CSMD1: variants seen among roughly 807,000 people sequenced by gnomAD.
CSMD1 encodes the protein CUB and Sushi multiple domains 1.
CSMD1 carries 213 observed loss-of-function variants against 417.5 expected under a neutral mutation model. That is an observed-to-expected ratio of 0.51 (90% CI 0.46 to 0.57). CSMD1 has a LOEUF of 0.57. Ranked by LOEUF, CSMD1 falls within the 20% of genes least tolerant of loss-of-function variation. The pLI, the probability that CSMD1 is intolerant of heterozygous loss-of-function variation, is 0.00. For synonymous variants in CSMD1, 2,862 were observed against 1,736.8 expected (o/e 1.65, Z -16.11); for missense variants, 6,923 against 4,529.7 (o/e 1.53, Z -15.17).
rs1339012481 is a variant in CSMD1 at position 3,594,209 on chromosome 8, G to A, written c.1098-7949C>T. On this transcript the variant is annotated intron_variant, in intron 8 of 69. Coordinates refer to ENST00000635120, the MANE Select transcript of CSMD1 (RefSeq NM_033225.6). Reference sequence around the variant, plus strand: ...TTTACGGCCGTCCCCAAATGCACCAGACATGAGGCGAGCCCTGGACCGTAT... The same window carrying A: ...TTTACGGCCGTCCCCAAATGCACCAAACATGAGGCGAGCCCTGGACCGTAT... Among the ~76,000 whole-genome samples, 8 of 152,270 alleles carry A rather than the reference G, an allele frequency of 5.3e-5. No individual in the cohort carries two copies. The East Asian group carries it at 1.5e-3, about 29-fold the overall frequency.
chr8:4,426,804 AGTAT>A (rs1797587004), intron 2 of CSMD1, among the ~76,000 whole-genome samples: 1 of 149,530 alleles, frequency 6.7e-6, no homozygotes, highest in Admixed American at 6.7e-5. Flanking sequence ...ATAGAAATAT[AGTAT>A]GTAATATTAC....
intron 3 of CSMD1, among the ~76,000 whole-genome samples, chr8:4,225,485 A>G (rs1290278457): frequency 6.7e-6 from 1 of 148,944 alleles, no homozygotes; most frequent in East Asian, 2.0e-4. Flanking sequence ...CTTCAAGTTT[A>G]TATAAAGCAA....
intron 7 of CSMD1, among the ~76,000 whole-genome samples, chr8:3,677,801 C>G (rs1036015216): frequency 6.6e-6 from 1 of 152,114 alleles, no homozygotes; most frequent in Non-Finnish European, 1.5e-5. Context: ...TTTTTTAAAA[C>G]CAGTAGATGA....
chr8:3,551,739 GTATAC>G (rs1451140763), intron 10 of CSMD1, among the ~76,000 whole-genome samples: 1 of 151,768 alleles, frequency 6.6e-6, no homozygotes. Context: ...CATATCACTT[GTATAC>G]TAAAGTCCGT....
chr8:4,368,981 C>G (rs935230247), intron 3 of CSMD1, among the ~76,000 whole-genome samples: 6 of 151,970 alleles, frequency 3.9e-5, no homozygotes, highest in African/African-American at 1.4e-4. Flanking sequence ...TGGTTATTTT[C>G]TGCTATGTTT....
At chr8:3,407,874 G>T (rs1165683433) in intron 14 of CSMD1, 25 bp downstream of exon 14, 5 of 1,563,260 alleles carry the variant, frequency 3.2e-6, no homozygotes, top group Non-Finnish European at 3.5e-6. Context: ...GAACTTGGAT[G>T]TGTTGACTGT....
At chr8:3,742,821 A>G (rs1283224763) in intron 6 of CSMD1, among the ~76,000 whole-genome samples, 1 of 152,238 alleles carries the variant, frequency 6.6e-6, no homozygotes, top group African/African-American at 2.4e-5. Context: ...CTCCTCATAT[A>G]AGGAGACCCA....
At chr8:4,053,382 G>A (rs1798533453) in intron 3 of CSMD1, among the ~76,000 whole-genome samples, 2 of 151,572 alleles carry the variant, frequency 1.3e-5, no homozygotes, top group African/African-American at 2.4e-5. Context: ...GACAGTGTGT[G>A]CGCTGACTGC....
intron 68 of CSMD1, among the ~76,000 whole-genome samples, chr8:2,947,332 G>A (rs529519496): frequency 6.6e-6 from 1 of 152,110 alleles, no homozygotes; most frequent in East Asian, 1.9e-4. Context: ...GAGAAAATTA[G>A]GAGGTTATTT....
intron 3 of CSMD1, among the ~76,000 whole-genome samples, chr8:4,355,256 A>C (rs1563087145): frequency 6.6e-6 from 1 of 151,836 alleles, no homozygotes. Flanking sequence ...ACTCCATTTC[A>C]AATAAATAAA....
chr8:3,267,417 G>T (rs1036405790), intron 26 of CSMD1, among the ~76,000 whole-genome samples: 6 of 152,220 alleles, frequency 3.9e-5, no homozygotes, highest in African/African-American at 1.4e-4. Flanking sequence ...TGCAACAATA[G>T]ATGATGGCAG....
At chr8:4,788,200 T>G (rs934991241) in intron 1 of CSMD1, 1 of 1,593,542 alleles carries the variant, frequency 6.3e-7, no homozygotes, top group Non-Finnish European at 8.6e-7. Flanking sequence ...CCATGTGAAC[T>G]TTGAGTAACA....
At chr8:4,614,674 C>A (rs1261118256) in intron 2 of CSMD1, among the ~76,000 whole-genome samples, 2 of 152,054 alleles carry the variant, frequency 1.3e-5, no homozygotes, top group Non-Finnish European at 2.9e-5. Context: ...CAAACGCACA[C>A]ACACTGGATG....
At chr8:4,378,237 A>G (rs916949691) in intron 3 of CSMD1, among the ~76,000 whole-genome samples, 1 of 152,172 alleles carries the variant, frequency 6.6e-6, no homozygotes, top group Non-Finnish European at 1.5e-5. Flanking sequence ...TTTCCTTAAA[A>G]TTACTTTTCT....
intron 41 of CSMD1, among the ~76,000 whole-genome samples, chr8:3,135,368 T>A (rs1023176917): frequency 6.6e-6 from 1 of 152,232 alleles, no homozygotes; most frequent in African/African-American, 2.4e-5. Context: ...TATTATGTTG[T>A]TTTTCCAGGT....
chr8:3,806,224 A>C (rs1486125687), intron 5 of CSMD1, among the ~76,000 whole-genome samples: 6 of 152,128 alleles, frequency 3.9e-5, no homozygotes, highest in Non-Finnish European at 7.3e-5. Flanking sequence ...TCTTCCTCTC[A>C]GATTATGGAG....
intron 5 of CSMD1, among the ~76,000 whole-genome samples, chr8:3,992,958 C>A (rs937596459): frequency 6.6e-6 from 1 of 152,134 alleles, no homozygotes; most frequent in African/African-American, 2.4e-5. Context: ...TTCATAGAAA[C>A]AAAGAAAGAT....
intron 1 of CSMD1, among the ~76,000 whole-genome samples, chr8:4,761,906 T>TCTAC (rs1563319645): frequency 1.1e-5 from 1 of 94,284 alleles, no homozygotes; most frequent in East Asian, 3.4e-4. Flanking sequence ...TATCTATCTA[T>TCTAC]CTATCAATCT....
chr8:3,532,391 G>A (rs771407267), intron 10 of CSMD1, among the ~76,000 whole-genome samples: 7 of 152,126 alleles, frequency 4.6e-5, no homozygotes, highest in Admixed American at 1.3e-4. Flanking sequence ...AGCGAGTGGT[G>A]AGGATGGTGA....
Sources: gnomAD v4.1 joint callset for allele counts (sites outside exome capture counted in the v4.1 genomes callset) on GRCh38, gnomAD v4.1.1 for gene constraint, MANE v1.5 for transcripts, NCBI Gene and HGNC (gene_info 2026-07-23, HGNC 2026-07-21) for gene names.